URB1: variants seen among roughly 807,000 people sequenced by gnomAD.
URB1 encodes the protein nucleolar pre-ribosomal-associated protein 1.
URB1 carries 197 observed loss-of-function variants against 242.3 expected under a neutral mutation model. That is an observed-to-expected ratio of 0.81 (90% confidence interval 0.72 to 0.91). URB1 has a LOEUF of 0.91. Among genes scored for constraint, URB1 ranks in the 40% least tolerant of loss-of-function variants. The pLI is 0.00. For missense variants in URB1, 2,721 were observed against 2,860.5 expected, an observed-to-expected ratio of 0.95 and a Z score of 1.11; for synonymous variants, 1,153 against 1,201.8, an observed-to-expected ratio of 0.96 and a Z score of 0.84.
rs189193864 is a variant in URB1, at chr21:32,321,879, G to A, written c.5406C>T (p.Tyr1802=). The A allele has an allele frequency of 5.9e-4, 916 of 1,551,676 alleles. No individual in the cohort carries two copies. The highest frequency in any genetic ancestry group is 8.3e-4 in the Middle Eastern group (5 of 5,990). ...AGATGCCACGCCGGGCACACAGTTC[G>A]TAGCACTGCTTGTCACGGATCCCCT... ...LRQGIRDKQC[Y]ELCARRGIFH... Residue 1802 remains tyrosine (Y), a synonymous_variant, in exon 34 of 39, where the codon TAC becomes TAT. Transcript: ENST00000382751.
intron 8 of URB1, among the ~76,000 whole-genome samples, chr21:32,369,371 C>A (rs540093704): frequency 2.3e-3 from 351 of 152,198 alleles, no homozygotes; most frequent in Non-Finnish European, 3.8e-3. Flanking sequence ...CTGAAAAAAA[C>A]AGCACTATGT....
intron 36 of URB1, 44 bp downstream of exon 36, chr21:32,319,173 A>G (rs1438133386): frequency 1.3e-6 from 2 of 1,522,044 alleles, no homozygotes. Flanking sequence ...CCAACACAGC[A>G]TCCAAGAGGC....
In URB1 at chr21:32,372,646, T is replaced by C; in HGVS notation, c.877-15A>G. 6.5e-7 allele frequency: 1 copy of C among 1,543,378 alleles called. No individual in the cohort carries two copies. Among genetic ancestry groups the C allele is most frequent in the Non-Finnish European group, 8.7e-7 (1 of 1,144,674 alleles). Reference sequence around the variant, plus strand: ...TCGGCAGAAACCTATGAAGATTTTTTAAAAATTCAATGAAAATCCCAAGCT... The same window carrying C: ...TCGGCAGAAACCTATGAAGATTTTTCAAAAATTCAATGAAAATCCCAAGCT... On this transcript the variant is annotated splice_polypyrimidine_tract_variant and intron_variant, in intron 7 of 38. Coordinates refer to ENST00000382751, the MANE Select transcript of URB1 (RefSeq NM_014825.3).
At chr21:32,340,009 A>C (rs2033010575) in intron 25 of URB1, among the ~76,000 whole-genome samples, 1 of 152,164 alleles carries the variant, frequency 6.6e-6, no homozygotes, top group South Asian at 2.1e-4. Context: ...AAACCCACTA[A>C]GGAAAGGAAA....
chr21:32,388,049 G>A (rs149442672), intron 1 of URB1, among the ~76,000 whole-genome samples: 5 of 152,326 alleles, frequency 3.3e-5, no homozygotes, highest in East Asian at 1.9e-4. Context: ...GCAATTCTGC[G>A]TGTCTCAGAT....
chr21:32,375,272 A>T (rs781549837), intron 6 of URB1, 126 bp downstream of exon 6: 3 of 542,544 alleles, frequency 5.5e-6, no homozygotes, highest in Non-Finnish European at 9.1e-6. Context: ...AGAGTTTTCC[A>T]CTCAACCAAT....
At chr21:32,364,873 C>G (rs935511603) in intron 10 of URB1, among the ~76,000 whole-genome samples, 1 of 152,252 alleles carries the variant, frequency 6.6e-6, no homozygotes, top group Non-Finnish European at 1.5e-5. Flanking sequence ...AAAACACAGT[C>G]TTGGCTCTCG....
At chr21:32,352,397 T>A (rs1042546559) in intron 19 of URB1, among the ~76,000 whole-genome samples, 2 of 151,906 alleles carry the variant, frequency 1.3e-5, no homozygotes, top group Non-Finnish European at 2.9e-5. Context: ...CACGCACAGA[T>A]AACAAGGTAA....
chr21:32,352,949 C>T (rs1274799839), intron 18 of URB1, 43 bp from the exon 19 acceptor site: 49 of 1,497,308 alleles, frequency 3.3e-5, no homozygotes, highest in Non-Finnish European at 4.3e-5. Flanking sequence ...CTGGCTGGGC[C>T]CACCCTTCTG....
rs1180894715 is a variant in URB1, at chr21:32,337,100, T to C, written c.4679A>G (p.Asn1560Ser). 4 of 1,551,724 alleles carry C rather than the reference T, an allele frequency of 2.6e-6. No individual in the cohort carries two copies. In the African/African-American group the frequency reaches 4.1e-5, roughly 16 times the overall value. The change falls in exon 28 of 39, where the codon AAC becomes AGC. Residue 1560 changes from asparagine to serine, a missense_variant. Physicochemically the swap from Asn to Ser is conservative, Grantham distance 46. Transcript: ENST00000382751. The part of the protein sequence containing the change: ...AYEQNKLSLI[N>S]FRVLLWGPAA... ...CCTCTAGCCCAACACTCACCTGAAG[T>C]TGATGAGGCTGAGCTTGTTCTGCTC...
chr21:32,359,185 T>C (rs1464441558), intron 14 of URB1, among the ~76,000 whole-genome samples: 2 of 152,224 alleles, frequency 1.3e-5, no homozygotes, highest in Non-Finnish European at 2.9e-5. Flanking sequence ...TAAGAAACAC[T>C]TGGACAATGA....
At chr21:32,318,903 T>C (rs539087971) in intron 36 of URB1, among the ~76,000 whole-genome samples, 1 of 152,184 alleles carries the variant, frequency 6.6e-6, no homozygotes, top group Admixed American at 6.5e-5. Context: ...TGAATCACAG[T>C]ATCAAGGCAG....
chr21:32,359,613 G>C (rs1023978298), intron 14 of URB1, among the ~76,000 whole-genome samples, 183 bp downstream of exon 14: 1 of 152,206 alleles, frequency 6.6e-6, no homozygotes, highest in Non-Finnish European at 1.5e-5. Context: ...AAAGCAAGCA[G>C]GTTCCCAGGC....
rs1430286010 is a variant in URB1 at position 32,372,632 on chromosome 21, C to T, written c.877-1G>A. The T allele has an allele frequency of 3.9e-6, 6 of 1,545,496 alleles. No homozygotes were observed. On this transcript the variant is annotated splice_acceptor_variant, in intron 7 of 38. Coordinates refer to ENST00000382751, the MANE Select transcript of URB1 (RefSeq NM_014825.3). LOFTEE classifies it high-confidence loss of function. The stretch of plus-strand genomic sequence containing the variant: ...TTTTCCCTGCTTCTTCGGCAGAAAC[C>T]TATGAAGATTTTTTAAAAATTCAAT...
intron 6 of URB1, among the ~76,000 whole-genome samples, chr21:32,373,977 T>G (rs2033432926): frequency 6.6e-6 from 1 of 152,202 alleles, no homozygotes; most frequent in Non-Finnish European, 1.5e-5. Context: ...GTTACTATTT[T>G]GATATATTTC....
chr21:32,321,989 C>T lies in URB1; in HGVS notation c.5341-45G>A, dbSNP rs756786205. On this transcript the variant is annotated intron_variant, in intron 33 of 38. Coordinates refer to ENST00000382751, the MANE Select transcript of URB1 (RefSeq NM_014825.3). ...AAAACTGTTGTTAATAAGTGAAAGT[C>T]CTTTCATCTGACAACTGTTCAAACA... 2.6e-6 allele frequency: 4 copies of T among 1,540,904 alleles called. No individual in the cohort carries two copies. In the Admixed American group the frequency reaches 5.9e-5, roughly 23 times the overall value.
chr21:32,387,667 C>A (rs2146058266), intron 1 of URB1, among the ~76,000 whole-genome samples: 1 of 149,682 alleles, frequency 6.7e-6, no homozygotes, highest in African/African-American at 2.5e-5. Flanking sequence ...TTAGTAATGA[C>A]CAATACAGTA....
Position 32,344,709 on chromosome 21 carries a change from TCTG to T in URB1, c.4115_4117del (p.Ala1372del). The T allele has an allele frequency of 1.3e-6, 2 of 1,552,168 alleles. No individual in the cohort carries two copies. Among genetic ancestry groups the T allele is most frequent in the Non-Finnish European group, 1.7e-6 (2 of 1,147,112 alleles). The stretch of plus-strand genomic sequence containing the variant: ...GGTCCTTCTCCAGGCACACAGCTCT[TCTG>T]CTGACCCTTCCAGAGCTGCTGAAAT... On this transcript the variant is annotated inframe_deletion, in exon 24 of 39. Transcript: ENST00000382751.
Position 32,316,645 on chromosome 21 carries a change from A to G in URB1, c.6455T>C (p.Leu2152Pro). Residue 2152 changes from leucine to proline, a missense_variant, in exon 38 of 39, where the codon CTG (leucine) becomes CCG (proline). Physicochemically the swap from Leu to Pro is moderately conservative, Grantham distance 98. Transcript: ENST00000382751. ...CTCAGCCCCACAGAGCCGGCTATAC[A>G]GCCTGAATATGCTGCTCCTCACGGC... Reference protein sequence around the residue: ...DSAVRSSIFRLYSRLCGAEGL... With the variant: ...DSAVRSSIFRPYSRLCGAEGL... 6.4e-7 allele frequency: 1 copy of G among 1,551,562 alleles called. No individual in the cohort carries two copies. Among genetic ancestry groups the G allele is most frequent in the Non-Finnish European group, 8.7e-7 (1 of 1,146,970 alleles).
Sources: gnomAD v4.1 joint callset for allele counts (sites outside exome capture counted in the v4.1 genomes callset) on GRCh38, gnomAD v4.1.1 for gene constraint, MANE v1.5 for transcripts, NCBI Gene and HGNC (gene_info 2026-07-23, HGNC 2026-07-21) for gene names.